The following RNF150 variants were observed in gnomAD, a reference collection of about 807,000 sequenced individuals.
The protein encoded by RNF150 is ring finger protein 150.
Under a neutral mutation model 39.3 loss-of-function variants are expected in RNF150, and 24 were observed. The observed-to-expected ratio is 0.61, with a 90% CI of 0.44 to 0.86. The LOEUF (loss-of-function observed/expected upper bound fraction) is 0.86, where lower values mean the gene tolerates loss of function less well. Ranked by LOEUF, RNF150 falls within the 40% of genes least tolerant of loss-of-function variation. The pLI is 0.00. For synonymous variants in RNF150, 255 were observed against 227.3 expected, an observed-to-expected ratio of 1.12 and a Z score of -1.10; for missense variants, 502 against 587.8, an observed-to-expected ratio of 0.85 and a Z score of 1.51.
At chr4:141,178,896 G>T (rs552416588) in intron 1 of RNF150, among the ~76,000 whole-genome samples, 62 of 152,096 alleles carry the variant, frequency 4.1e-4, no homozygotes, top group African/African-American at 1.4e-3. Context: ...CACCTAGAAT[G>T]CTGGCTCTTC....
At chr4:141,177,499 C>A (rs1236635482) in intron 1 of RNF150, among the ~76,000 whole-genome samples, 1 of 143,740 alleles carries the variant, frequency 7.0e-6, no homozygotes, top group Non-Finnish European at 1.5e-5. Flanking sequence ...TCTCTCTCTC[C>A]CTCAATGTAG....
intron 1 of RNF150, among the ~76,000 whole-genome samples, chr4:141,041,531 T>G (rs181759034): frequency 4.0e-4 from 61 of 152,168 alleles, no homozygotes; most frequent in African/African-American, 1.5e-3. Context: ...GCTGCATCTA[T>G]CCAAATGTTC....
chr4:141,119,766 C>T (rs748556100), intron 1 of RNF150, among the ~76,000 whole-genome samples: 3 of 152,194 alleles, frequency 2.0e-5, no homozygotes, highest in Non-Finnish European at 2.9e-5. Flanking sequence ...CCTTTTCCTA[C>T]TTCTCTATTC....
chr4:140,929,358 G>GTTT (rs532514901), intron 4 of RNF150, among the ~76,000 whole-genome samples: 14 of 51,570 alleles, frequency 2.7e-4, no homozygotes, highest in African/African-American at 7.1e-4. Context: ...TGGATGCTAA[G>GTTT]TTTTTTTTTT....
chr4:141,054,032 A>G (rs548747705), intron 1 of RNF150, among the ~76,000 whole-genome samples: 11 of 152,314 alleles, frequency 7.2e-5, no homozygotes, highest in East Asian at 1.9e-4. Context: ...AATATTTCAA[A>G]TGAATAAAAT....
chr4:140,878,185 T>C (rs866650202), intron 6 of RNF150, among the ~76,000 whole-genome samples: 88 of 122,648 alleles, frequency 7.2e-4, no homozygotes, highest in East Asian at 1.5e-3. Context: ...TTTTTTTTTT[T>C]CAACAGAATC....
chr4:140,896,947 C>A (rs1729982719), intron 6 of RNF150, among the ~76,000 whole-genome samples: 1 of 152,062 alleles, frequency 6.6e-6, no homozygotes, highest in South Asian at 2.1e-4. Context: ...TAGGATTAAA[C>A]CTCCATCAAG....
chr4:141,199,857 G>A (rs954917299), intron 1 of RNF150, among the ~76,000 whole-genome samples: 5 of 152,012 alleles, frequency 3.3e-5, no homozygotes, highest in East Asian at 1.9e-4. Flanking sequence ...CTACATTCTC[G>A]TGTCTTCCCC....
intron 1 of RNF150, among the ~76,000 whole-genome samples, chr4:141,166,274 C>T (rs967385044): frequency 6.6e-6 from 1 of 152,120 alleles, no homozygotes; most frequent in Non-Finnish European, 1.5e-5. Context: ...CCTGAATAGA[C>T]CAATAACAAA....
chr4:141,052,053 G>A (rs1017584176), intron 1 of RNF150, among the ~76,000 whole-genome samples: 8 of 152,120 alleles, frequency 5.3e-5, no homozygotes, highest in Non-Finnish European at 1.2e-4. Flanking sequence ...AGCTTCTGCA[G>A]GGAAACTCGT....
intron 1 of RNF150, among the ~76,000 whole-genome samples, chr4:141,112,040 G>T (rs941741332): frequency 2.0e-5 from 3 of 152,092 alleles, no homozygotes; most frequent in Non-Finnish European, 4.4e-5. Context: ...AATAGCATTG[G>T]CAGGCAAGTG....
At chr4:141,070,607 T>C (rs1222152725) in intron 1 of RNF150, among the ~76,000 whole-genome samples, 2 of 150,812 alleles carry the variant, frequency 1.3e-5, no homozygotes, top group Non-Finnish European at 3.0e-5. Context: ...AAGACATTTA[T>C]GCAGCCAAAA....
chr4:141,156,031 C>CATCA (rs1332248808), intron 1 of RNF150, among the ~76,000 whole-genome samples: 1 of 150,466 alleles, frequency 6.6e-6, no homozygotes, highest in Non-Finnish European at 1.5e-5. Context: ...CCTTCCATCC[C>CATCA]ATCATGGCTG....
chr4:140,916,703 T>C (rs1400732161), intron 5 of RNF150, among the ~76,000 whole-genome samples: 1 of 152,128 alleles, frequency 6.6e-6, no homozygotes, highest in African/African-American at 2.4e-5. Context: ...GCCACAAAGA[T>C]ACTCCTCAAG....
At chr4:140,918,856 C>T (rs532254547) in intron 5 of RNF150, among the ~76,000 whole-genome samples, 42 of 152,274 alleles carry the variant, frequency 2.8e-4, no homozygotes, top group African/African-American at 7.9e-4. Context: ...TGGGCTTCAT[C>T]CCTGGGATGA....
intron 1 of RNF150, among the ~76,000 whole-genome samples, chr4:141,188,840 A>G (rs1728057963): frequency 6.6e-6 from 1 of 152,192 alleles, no homozygotes; most frequent in Admixed American, 6.5e-5. Context: ...TTAGCTTGGA[A>G]GAGGTTTTTA....
intron 2 of RNF150, among the ~76,000 whole-genome samples, chr4:140,953,587 GA>G (rs1268131864): frequency 1.1e-4 from 16 of 150,546 alleles, no homozygotes; most frequent in African/African-American, 3.7e-4. Context: ...ACAAAGTTTT[GA>G]AAAAAATGCA....
intron 4 of RNF150, among the ~76,000 whole-genome samples, chr4:140,938,662 T>C (rs1038897193): frequency 6.6e-6 from 1 of 152,130 alleles, no homozygotes; most frequent in African/African-American, 2.4e-5. Flanking sequence ...CCTTACTAAA[T>C]CAATTTTTAG....
intron 1 of RNF150, among the ~76,000 whole-genome samples, chr4:141,146,755 T>G (rs354940): frequency 1.3e-5 from 2 of 152,156 alleles, no homozygotes; most frequent in African/African-American, 4.8e-5. Flanking sequence ...TGGACCCATC[T>G]TGTAGGTCCT....
Sources: allele counts gnomAD v4.1 joint callset (sites outside exome capture counted in the v4.1 genomes callset), GRCh38; gene constraint gnomAD v4.1.1; transcripts MANE v1.5; gene names NCBI Gene and HGNC (gene_info 2026-07-23, HGNC 2026-07-21).